Variants in STAU2 observed in about 807,000 individuals in gnomAD.
The protein encoded by STAU2 is double-stranded RNA-binding protein Staufen homolog 2.
Under a neutral mutation model 65.9 loss-of-function variants are expected in STAU2, and 20 were observed. The ratio of observed to expected loss-of-function variants is 0.30; its 90% confidence interval spans 0.21 to 0.44. STAU2 has a LOEUF of 0.44. STAU2 is among the 20% of genes least tolerant of loss of function. The probability of loss-of-function intolerance (pLI) is 1.00; values close to 1 mark genes in which losing one functional copy is unlikely to be tolerated. For synonymous variants in STAU2, 232 were observed against 233.9 expected (o/e 0.99, Z 0.07); for missense variants, 558 against 683.9 (o/e 0.82, Z 2.05).
intron 6 of STAU2, among the ~76,000 whole-genome samples, chr8:73,643,259 T>C (rs1185192470): frequency 5.3e-5 from 8 of 152,226 alleles, no homozygotes; most frequent in African/African-American, 1.9e-4. Context: ...TAGGCAGCTA[T>C]AGCCTTTAAT....
intron 6 of STAU2, among the ~76,000 whole-genome samples, chr8:73,667,551 G>A (rs755839625): frequency 1.1e-4 from 17 of 152,158 alleles, no homozygotes; most frequent in Non-Finnish European, 2.2e-4. Flanking sequence ...TGAAGATTCA[G>A]TTCATCCCTC....
intron 3 of STAU2, among the ~76,000 whole-genome samples, chr8:73,732,023 C>T (rs1244095975): frequency 6.6e-6 from 1 of 152,186 alleles, no homozygotes; most frequent in African/African-American, 2.4e-5. Flanking sequence ...AATCAGGGAA[C>T]AGCTTAGATG....
At chr8:73,681,021 A>C (rs1487698671) in intron 5 of STAU2, among the ~76,000 whole-genome samples, 1 of 152,018 alleles carries the variant, frequency 6.6e-6, no homozygotes, top group Non-Finnish European at 1.5e-5. Flanking sequence ...AAGAAGAAAA[A>C]TCTAAAAGTT....
chr8:73,686,580 T>C (rs1360509712), intron 5 of STAU2, among the ~76,000 whole-genome samples: 1 of 148,714 alleles, frequency 6.7e-6, no homozygotes, highest in Non-Finnish European at 1.5e-5. Context: ...ATTTTGGGGA[T>C]CTGGGAGAAG....
chr8:73,595,041 CTA>C, intron 11 of STAU2, 123 bp downstream of exon 11: 1 of 677,782 alleles, frequency 1.5e-6, no homozygotes, highest in African/African-American at 1.8e-5. Context: ...CTTGGATCAT[CTA>C]TCTTTGTATT....
At chr8:73,435,557 CT>C (rs1403431777) in intron 13 of STAU2, among the ~76,000 whole-genome samples, 1 of 151,934 alleles carries the variant, frequency 6.6e-6, no homozygotes, top group Non-Finnish European at 1.5e-5. Context: ...CAACCCCACC[CT>C]TGGGCTCTGC....
chr8:73,595,146 C>CA lies in STAU2; in HGVS notation c.1161+19dup. On this transcript the variant is annotated intron_variant, in intron 11 of 14. Coordinates refer to ENST00000524300, the MANE Select transcript of STAU2 (RefSeq NM_001164380.2). ...GATATTATGACAGATAGGATACATA[C>CA]ATGTAAACTTAACTCTTACCTTCTC... 2 of 1,580,584 alleles carry CA rather than the reference C, an allele frequency of 1.3e-6. No individual in the cohort carries two copies. The highest frequency in any genetic ancestry group is 1.7e-6 in the Non-Finnish European group (2 of 1,164,970).
At chr8:73,538,202 C>T (rs145370897) in intron 13 of STAU2, among the ~76,000 whole-genome samples, 1 of 152,050 alleles carries the variant, frequency 6.6e-6, no homozygotes, top group Non-Finnish European at 1.5e-5. Flanking sequence ...AAAATCTGTA[C>T]ATTAGTTAAG....
intron 3 of STAU2, among the ~76,000 whole-genome samples, chr8:73,729,257 C>T (rs1805875302): frequency 6.6e-6 from 1 of 152,110 alleles, no homozygotes; most frequent in African/African-American, 2.4e-5. Context: ...GGAATAAGTC[C>T]CACTTGGCCA....
At chr8:73,635,895 T>C (rs1814457132) in intron 6 of STAU2, among the ~76,000 whole-genome samples, 1 of 143,422 alleles carries the variant, frequency 7.0e-6, no homozygotes, top group African/African-American at 2.7e-5. Flanking sequence ...CGAATCTCTA[T>C]CTGACCCCTG....
At chr8:73,451,445 C>T (rs767318121) in intron 13 of STAU2, among the ~76,000 whole-genome samples, 13 of 151,870 alleles carry the variant, frequency 8.6e-5, no homozygotes, top group African/African-American at 1.7e-4. Context: ...GCCAGAAAAG[C>T]GGCTGGGTAT....
At chr8:73,654,141 A>G (rs1406643159) in intron 6 of STAU2, among the ~76,000 whole-genome samples, 1 of 152,174 alleles carries the variant, frequency 6.6e-6, no homozygotes, top group Non-Finnish European at 1.5e-5. Context: ...AAGCATTTAC[A>G]TGTTGTGAAA....
chr8:73,597,669 CAAAAAAAAA>C (rs34461371), intron 10 of STAU2, among the ~76,000 whole-genome samples: 2 of 55,876 alleles, frequency 3.6e-5, no homozygotes, highest in African/African-American at 7.0e-5. Flanking sequence ...GTCTCTGTCT[CAAAAAAAAA>C]AAAAAAAAAA....
intron 4 of STAU2, among the ~76,000 whole-genome samples, chr8:73,691,905 G>A (rs1402900117): frequency 6.6e-6 from 1 of 152,116 alleles, no homozygotes; most frequent in Non-Finnish European, 1.5e-5. Flanking sequence ...ACTCTTGGCA[G>A]GCCCCTGGAT....
intron 13 of STAU2, among the ~76,000 whole-genome samples, chr8:73,520,650 T>C (rs1021603956): frequency 7.2e-5 from 11 of 152,294 alleles, no homozygotes; most frequent in African/African-American, 2.6e-4. Context: ...GAGGGGTTCC[T>C]GGTACAGATG....
At chr8:73,719,200 G>A (rs185214625) in intron 3 of STAU2, among the ~76,000 whole-genome samples, 1 of 152,082 alleles carries the variant, frequency 6.6e-6, no homozygotes, top group Non-Finnish European at 1.5e-5. Context: ...TCAGGAGATC[G>A]AGACCATCTT....
chr8:73,578,090 T>G (rs2128960320), intron 12 of STAU2, among the ~76,000 whole-genome samples: 1 of 152,276 alleles, frequency 6.6e-6, no homozygotes, highest in East Asian at 1.9e-4. Flanking sequence ...ACTATCATAC[T>G]GCAATGAATA....
At chr8:73,470,122 T>C (rs546759445) in intron 13 of STAU2, among the ~76,000 whole-genome samples, 31 of 152,284 alleles carry the variant, frequency 2.0e-4, no homozygotes, top group African/African-American at 7.5e-4. Context: ...TCAACTCTTC[T>C]TTACACTAGT....
In STAU2 at chr8:73,649,697, T is replaced by G. The variant is rs558884667; in HGVS notation, c.410+23410A>C. On this transcript the variant is annotated intron_variant, in intron 6 of 14. Transcript: ENST00000524300. Reference sequence around the variant, plus strand: ...AAAGTCATATTAAAATGTACTATGATGGACAGGGCAGTTTGTATGATATTA... The same window carrying G: ...AAAGTCATATTAAAATGTACTATGAGGGACAGGGCAGTTTGTATGATATTA... Among the ~76,000 whole-genome samples the G allele has an allele frequency of 6.7e-4, 101 of 151,766 alleles. 1 individual carries two copies. The highest frequency in any genetic ancestry group is 2.1e-3 in the African/African-American group (88 of 41,442).
Sources: gnomAD v4.1 joint callset for allele counts (sites outside exome capture counted in the v4.1 genomes callset) on GRCh38, gnomAD v4.1.1 for gene constraint, MANE v1.5 for transcripts, NCBI Gene and HGNC (gene_info 2026-07-23, HGNC 2026-07-21) for gene names.